Variants in VAV1 observed in about 807,000 individuals in gnomAD.
VAV1 encodes the protein vav guanine nucleotide exchange factor 1, also known as proto-oncogene vav.
Under a neutral mutation model 128.1 loss-of-function variants are expected in VAV1, and 33 were observed. The ratio of observed to expected loss-of-function variants is 0.26; its 90% CI spans 0.20 to 0.34. The LOEUF (loss-of-function observed/expected upper bound fraction) is 0.34. VAV1 is among the 10% of genes least tolerant of loss of function. VAV1 has a pLI of 1.00. For missense variants in VAV1, 715 were observed against 1,093.7 expected (o/e 0.65, Z 4.88); for synonymous variants, 394 against 409.8 (o/e 0.96, Z 0.47).
In VAV1 at chr19:6,820,773, G is replaced by A. The variant is rs1240789897; in HGVS notation, c.276G>A (p.Glu92=). The A allele has an allele frequency of 6.2e-7, 1 of 1,614,208 alleles. No individual in the cohort carries two copies. The highest frequency in any genetic ancestry group is 1.7e-5 in the Admixed American group (1 of 60,022). The change falls in exon 2 of 27, where the codon GAG becomes GAA. Residue 92 remains glutamate (E), a synonymous_variant. Coordinates refer to ENST00000602142, the MANE Select transcript of VAV1 (RefSeq NM_005428.4). This position sits in a 1 kb window ranked among gnomAD's most constrained non-coding sequence, Gnocchi z 4.4. ...AGAAGTTCGGCCTCAAGCGGAGCGA[G>A]CTCTTCGAAGCCTTTGACCTCTTCG... ...CCEKFGLKRS[E]LFEAFDLFDV... is the part of the protein sequence containing the mutation.
At position 6,833,891 on chromosome 19, in the gene VAV1, T is replaced by G. The variant is rs925029401; in HGVS notation, c.1732-17T>G. 9.3e-6 allele frequency: 15 copies of G among 1,614,130 alleles called. No individual in the cohort carries two copies. The highest frequency in any genetic ancestry group is 1.3e-5 in the Non-Finnish European group (15 of 1,180,030). On this transcript the variant is annotated splice_polypyrimidine_tract_variant and intron_variant, in intron 18 of 26. Transcript: ENST00000602142. ...GCTGGGCATAGGTAGACAGGCTTTC[T>G]TTGTTTCTCCTTCCAGGACAAACTA...
chr19:6,837,910 T>A (rs1599671576), intron 21 of VAV1, among the ~76,000 whole-genome samples: 1 of 152,208 alleles, frequency 6.6e-6, no homozygotes. Flanking sequence ...ATTATTTAAT[T>A]CATAGTCTGT....
chr19:6,790,143 A>C (rs1970984652), intron 1 of VAV1, among the ~76,000 whole-genome samples: 1 of 152,136 alleles, frequency 6.6e-6, no homozygotes, highest in Non-Finnish European at 1.5e-5. Context: ...GTGCAAGTGC[A>C]CTCCAGCCTG....
In VAV1 at chr19:6,772,748, C is replaced by G; in HGVS notation, c.-60C>G. On this transcript the variant is annotated 5_prime_UTR_variant, in exon 1 of 27. Transcript: ENST00000602142. This position sits in a 1 kb window ranked among gnomAD's most constrained non-coding sequence, Gnocchi z 4.8. Reference sequence around the variant, plus strand: ...TCCACAGGCGAGCAGGGCAGGCGTGCGGGCGGGTGGGTGGTGGAGGCTGCG... The same window carrying G: ...TCCACAGGCGAGCAGGGCAGGCGTGGGGGCGGGTGGGTGGTGGAGGCTGCG... The G allele has an allele frequency of 6.5e-7, 1 of 1,539,478 alleles. No individual in the cohort carries two copies. Among genetic ancestry groups the G allele is most frequent in the Non-Finnish European group, 8.8e-7 (1 of 1,136,710 alleles).
At chr19:6,816,208 G>C (rs1202338977) in intron 1 of VAV1, among the ~76,000 whole-genome samples, 1 of 151,974 alleles carries the variant, frequency 6.6e-6, no homozygotes, top group Non-Finnish European at 1.5e-5. Flanking sequence ...TTTTGGTTGA[G>C]ACATGGTTTC....
At chr19:6,802,329 T>G (rs1466582526) in intron 1 of VAV1, among the ~76,000 whole-genome samples, 1 of 151,756 alleles carries the variant, frequency 6.6e-6, no homozygotes, top group Non-Finnish European at 1.5e-5. Flanking sequence ...ACCCTAAAAT[T>G]TAAAGTATAA....
chr19:6,776,148 TCATCTATCCACCCATC>T (rs1044233740), intron 1 of VAV1, among the ~76,000 whole-genome samples: 1 of 72,616 alleles, frequency 1.4e-5, no homozygotes, highest in African/African-American at 5.8e-5. Context: ...ATCCATCTGC[TCATCTATCCACCCATC>T]CATCCATCCA....
intron 1 of VAV1, among the ~76,000 whole-genome samples, chr19:6,814,667 C>CCTTCCTTCCTTCCTTT (rs1971586781): frequency 2.8e-4 from 7 of 25,124 alleles, no homozygotes; most frequent in South Asian, 1.1e-3. Flanking sequence ...TTCCTTCCTT[C>CCTTCCTTCCTTCCTTT]CTTCCTTTCT....
At chr19:6,855,858 A>G (rs1251756943) in intron 26 of VAV1, among the ~76,000 whole-genome samples, 1 of 152,042 alleles carries the variant, frequency 6.6e-6, no homozygotes, top group Non-Finnish European at 1.5e-5. Flanking sequence ...TTCATTATCT[A>G]TCTACCTATC....
At position 6,822,167 on chromosome 19, in the gene VAV1, A is replaced by G. The variant is rs891688320; in HGVS notation, c.450-54A>G. Reference sequence around the variant, plus strand: ...AAGCCCTGCGCTGGGGTCTGCGGGGACCCTGCTGTGATCTGGGAGAGGTCC... The same window carrying G: ...AAGCCCTGCGCTGGGGTCTGCGGGGGCCCTGCTGTGATCTGGGAGAGGTCC... On this transcript the variant is annotated intron_variant, in intron 4 of 26. Coordinates refer to ENST00000602142, the MANE Select transcript of VAV1 (RefSeq NM_005428.4). This position sits in a 1 kb window ranked among gnomAD's most constrained non-coding sequence, Gnocchi z 5.9. 41 of 1,511,208 alleles carry G rather than the reference A, an allele frequency of 2.7e-5. No homozygotes were observed. The highest frequency in any genetic ancestry group is 3.4e-5 in the Non-Finnish European group (38 of 1,111,372). The allele number at this position is 1,511,208 out of a possible 1,614,324, so 93.6% of individuals were successfully genotyped here.
intron 22 of VAV1, among the ~76,000 whole-genome samples, chr19:6,847,319 C>T (rs192933290): frequency 7.7e-4 from 117 of 152,224 alleles, no homozygotes; most frequent in Non-Finnish European, 1.2e-3. Context: ...TTGCTCCTGC[C>T]TCCCGCAGCC....
chr19:6,828,242 C>T lies in VAV1; in HGVS notation c.1023+71C>T. On this transcript the variant is annotated intron_variant, in intron 10 of 26. Coordinates refer to ENST00000602142, the MANE Select transcript of VAV1 (RefSeq NM_005428.4). This position sits in a 1 kb window ranked among gnomAD's most constrained non-coding sequence, Gnocchi z 4.5. ...TGTGTCTATAAAAGTGGGGACGGGG[C>T]TGGCTTCTGGGGGTTGGGTCTCTAG... 1 of 1,577,354 alleles carries T rather than the reference C, an allele frequency of 6.3e-7. No homozygotes were observed. Among genetic ancestry groups the T allele is most frequent in the Non-Finnish European group, 8.7e-7 (1 of 1,153,396 alleles).
intron 1 of VAV1, among the ~76,000 whole-genome samples, chr19:6,795,290 G>T (rs748629227): frequency 4.6e-5 from 7 of 151,900 alleles, no homozygotes; most frequent in Non-Finnish European, 8.8e-5. Context: ...CAAAGGAAGG[G>T]GATGAGTCAT....
chr19:6,814,714 T>TTCTTTCTTTCTTTCTTTCTTTCTC (rs1971603732), intron 1 of VAV1, among the ~76,000 whole-genome samples: 1 of 140,424 alleles, frequency 7.1e-6, no homozygotes, highest in Non-Finnish European at 1.5e-5. Context: ...CTTTCTTTCT[T>TTCTTTCTTTCTTTCTTTCTTTCTC]TCTTTCTTTC....
chr19:6,817,968 G>A (rs560605246), intron 1 of VAV1, among the ~76,000 whole-genome samples: 72 of 152,290 alleles, frequency 4.7e-4, no homozygotes, highest in Non-Finnish European at 8.8e-4. Flanking sequence ...TTACAGGCAT[G>A]AGCCACCACG....
At chr19:6,809,092 T>C (rs1160378668) in intron 1 of VAV1, among the ~76,000 whole-genome samples, 2 of 151,952 alleles carry the variant, frequency 1.3e-5, no homozygotes, top group Non-Finnish European at 2.9e-5. Context: ...TTTTTTTTTT[T>C]TTTTTTGAGA....
chr19:6,796,446 C>CCCG (rs768192811), intron 1 of VAV1, among the ~76,000 whole-genome samples: 258 of 135,392 alleles, frequency 1.9e-3, no homozygotes, highest in Non-Finnish European at 2.4e-3. Flanking sequence ...CCTCCCTCCC[C>CCCG]CTCGCTTACT....
At chr19:6,824,540 T>C (rs1435365387) in intron 6 of VAV1, among the ~76,000 whole-genome samples, 1 of 151,868 alleles carries the variant, frequency 6.6e-6, no homozygotes, top group Non-Finnish European at 1.5e-5. Context: ...ACATTTTTTT[T>C]TTCTTTTTTG....
intron 9 of VAV1, among the ~76,000 whole-genome samples, chr19:6,827,395 C>G (rs1398152936): frequency 6.6e-6 from 1 of 152,084 alleles, no homozygotes; most frequent in African/African-American, 2.4e-5. Context: ...CTACCTTGGC[C>G]TCCTGAGTAG....
Sources: gnomAD v4.1 joint callset for allele counts (sites outside exome capture counted in the v4.1 genomes callset) on GRCh38, gnomAD v4.1.1 for gene constraint, Gnocchi (gnomAD v3.1) non-coding constraint, MANE v1.5 for transcripts, NCBI Gene and HGNC (gene_info 2026-07-23, HGNC 2026-07-21) for gene names.